The following TRMT10B variants were observed in gnomAD, a reference collection of about 807,000 sequenced individuals.
TRMT10B encodes tRNA methyltransferase 10B.
Under a neutral mutation model 43.8 loss-of-function variants are expected in TRMT10B, and 33 were observed. That is an observed-to-expected ratio of 0.75 (90% CI 0.57 to 1.01). The LOEUF is 1.01. TRMT10B is among the 50% of genes least tolerant of loss of function. TRMT10B has a pLI of 0.00. For synonymous variants in TRMT10B, 137 were observed against 130.6 expected (o/e 1.05, Z -0.34); for missense variants, 362 against 369.8 (o/e 0.98, Z 0.17).
chr9:37,769,860 C>T lies in TRMT10B; in HGVS notation c.574-81C>T, dbSNP rs77963004. On this transcript the variant is annotated intron_variant, in intron 5 of 8. Coordinates refer to ENST00000297994, the MANE Select transcript of TRMT10B (RefSeq NM_144964.4). ...TCAAGTGATCCTTCCACCTTAGCCTCCCAAAGTTCTGGGATTACAGACGTG... is the reference window on the plus strand; with the variant it reads ...TCAAGTGATCCTTCCACCTTAGCCTTCCAAAGTTCTGGGATTACAGACGTG... 2,748 of 1,112,962 alleles carry T rather than the reference C, an allele frequency of 2.5e-3. 41 individuals carry two copies. In the African/African-American group the frequency reaches 0.038, roughly 15 times the overall value. 68.9% of individuals were successfully genotyped at this position (1,112,962 alleles called of 1,614,324 possible). A position where few individuals can be genotyped will look rare whatever the true frequency, so the allele number is the denominator to read the frequency against.
chr9:37,756,257 A>G (rs7873508), intron 1 of TRMT10B, among the ~76,000 whole-genome samples: 48,864 of 152,002 alleles, frequency 0.32, 7,970 homozygotes, highest in Non-Finnish European at 0.35. Context: ...TAATACAATG[A>G]AGTTGTCAGT....
At chr9:37,774,843 C>T (rs773436825) in intron 7 of TRMT10B, among the ~76,000 whole-genome samples, 35 of 152,098 alleles carry the variant, frequency 2.3e-4, no homozygotes, top group Non-Finnish European at 4.1e-4. Flanking sequence ...GTTATGGGAC[C>T]GTAAACAAAA....
Position 37,777,993 on chromosome 9 carries a change from A to G in TRMT10B, c.*286A>G, listed in dbSNP as rs1828366008. ...GCACTCCAGCCTGGGTGACAGAGCAAGACTCCATCTCAAAAAAAAAATAAA... is the reference window on the plus strand; with the variant it reads ...GCACTCCAGCCTGGGTGACAGAGCAGGACTCCATCTCAAAAAAAAAATAAA... On this transcript the variant is annotated 3_prime_UTR_variant, in exon 9 of 9. Transcript: ENST00000297994. 1 of 244,996 alleles carries G rather than the reference A, an allele frequency of 4.1e-6. No individual in the cohort carries two copies. The highest frequency in any genetic ancestry group is 8.0e-6 in the Non-Finnish European group (1 of 125,146). 15.2% of individuals were successfully genotyped at this position (244,996 alleles called of 1,614,324 possible).
chr9:37,758,781 T>G (rs1199786245), intron 1 of TRMT10B, among the ~76,000 whole-genome samples: 1 of 152,204 alleles, frequency 6.6e-6, no homozygotes, highest in Non-Finnish European at 1.5e-5. Context: ...TATTGGGCAG[T>G]AGTCAGGACA....
chr9:37,770,626 A>C, intron 6 of TRMT10B, 46 bp from the exon 7 acceptor site: 1 of 1,530,966 alleles, frequency 6.5e-7, no homozygotes, highest in East Asian at 2.3e-5. Flanking sequence ...TGGATTTAGA[A>C]ATTATAAAAC....
In TRMT10B at chr9:37,763,188, C is replaced by CT. The variant is rs147487043; in HGVS notation, c.296-437dup. On this transcript the variant is annotated intron_variant, in intron 3 of 8. Transcript: ENST00000297994. ...AAACAAAAAAAAAAATTTAAGGCTG[C>CT]TTTTCAAATATAAGCTATCTAACTA... 7.4e-3 allele frequency among the ~76,000 whole-genome samples: 1,096 copies of CT among 148,338 alleles called. 19 individuals are homozygous for CT. The highest frequency in any genetic ancestry group is 0.026 in the African/African-American group (1,050 of 40,456).
chr9:37,756,639 G>A (rs2118674916), intron 1 of TRMT10B, among the ~76,000 whole-genome samples: 1 of 152,058 alleles, frequency 6.6e-6, no homozygotes, highest in African/African-American at 2.4e-5. Context: ...CTGGGTGGCA[G>A]AGGTTGCAAT....
Position 37,777,737 on chromosome 9 carries a change from G to GTAATTAC in TRMT10B, c.*31_*32insAATTACT, listed in dbSNP as rs1328878469. On this transcript the variant is annotated 3_prime_UTR_variant, in exon 9 of 9. Coordinates refer to ENST00000297994, the MANE Select transcript of TRMT10B (RefSeq NM_144964.4). ...CCTAAGATTGCAGCTGCGTGGCCAGGTGCTCACGCCGTAATGCCAACACTT... is the reference window on the plus strand; with the variant it reads ...CCTAAGATTGCAGCTGCGTGGCCAGGTAATTACTGCTCACGCCGTAATGCCAACACTT... 1.3e-6 allele frequency: 2 copies of GTAATTAC among 1,570,684 alleles called. No individual in the cohort carries two copies. The highest frequency in any genetic ancestry group is 1.4e-5 in the African/African-American group (1 of 73,944).
chr9:37,754,646 G>A (rs1825416537), intron 1 of TRMT10B, among the ~76,000 whole-genome samples: 1 of 152,116 alleles, frequency 6.6e-6, no homozygotes, highest in Non-Finnish European at 1.5e-5. Context: ...CAGCTGTCAT[G>A]CAAGGCAGGG....
At chr9:37,767,327 G>C (rs1408265806) in intron 4 of TRMT10B, 1 of 151,616 alleles carries the variant, frequency 6.6e-6, no homozygotes, top group South Asian at 2.1e-4. Flanking sequence ...ACTAGCCTAG[G>C]CAATATAGGA....
chr9:37,762,059 CG>C lies in TRMT10B; in HGVS notation c.130del (p.Glu44LysfsTer32), dbSNP rs1257241623. The C allele has an allele frequency of 6.2e-7, 1 of 1,613,914 alleles. No individual in the cohort carries two copies. The highest frequency in any genetic ancestry group is 8.5e-7 in the Non-Finnish European group (1 of 1,180,000). ...PEGFQLLQID[A>X]EGECQEGEIL... is the part of the protein sequence containing the mutation. ...GGCTTCCAGCTTCTGCAGATCGATG[CG>C]GAAGGCGAGTGCCAGGAGGGAGAGA... On this transcript the variant is annotated frameshift_variant, in exon 2 of 9. Coordinates refer to ENST00000297994, the MANE Select transcript of TRMT10B (RefSeq NM_144964.4). LOFTEE classifies it high-confidence loss of function.
In TRMT10B at chr9:37,776,268, C is replaced by G. The variant is rs755160727; in HGVS notation, c.721-14C>G. On this transcript the variant is annotated splice_polypyrimidine_tract_variant and intron_variant, in intron 7 of 8. Coordinates refer to ENST00000297994, the MANE Select transcript of TRMT10B (RefSeq NM_144964.4). ...TAATTTTTATAAGAAAAATATTTAA[C>G]TATATATTTACAGAAGGTGACATTT... 4 of 1,465,370 alleles carry G rather than the reference C, an allele frequency of 2.7e-6. No homozygotes were observed. Among genetic ancestry groups the G allele is most frequent in the Non-Finnish European group, 3.6e-6 (4 of 1,110,150 alleles). 90.8% of individuals were successfully genotyped at this position (1,465,370 alleles called of 1,614,324 possible). A position where few individuals can be genotyped will look rare whatever the true frequency, so the allele number is the denominator to read the frequency against.
chr9:37,762,029 C>T lies in TRMT10B; in HGVS notation c.98C>T (p.Pro33Leu), dbSNP rs373723512. 6.2e-7 allele frequency: 1 copy of T among 1,613,992 alleles called. No individual in the cohort carries two copies. Among genetic ancestry groups the T allele is most frequent in the South Asian group, 1.1e-5 (1 of 91,064 alleles). ...ILEETGEDGL[P>L]EGFQLLQIDA... The stretch of plus-strand genomic sequence containing the variant: ...GAGGAGACAGGTGAAGATGGACTTC[C>T]TGAAGGCTTCCAGCTTCTGCAGATC... Residue 33 changes from proline to leucine, a missense_variant, in exon 2 of 9, where the codon CCT (proline) becomes CTT (leucine). Transcript: ENST00000297994.
upstream of TRMT10B, among the ~76,000 whole-genome samples, chr9:37,753,415 T>C (rs933755758): frequency 5.9e-5 from 9 of 152,246 alleles, no homozygotes; most frequent in African/African-American, 2.2e-4. Flanking sequence ...CCACTCCCGC[T>C]TCCTGTAATG....
upstream of TRMT10B, among the ~76,000 whole-genome samples, chr9:37,753,517 A>G (rs1036570651): frequency 3.4e-5 from 4 of 119,122 alleles, no homozygotes; most frequent in East Asian, 6.7e-4. Context: ...CACACACCCC[A>G]GTTTCGCAAT....
intron 1 of TRMT10B, among the ~76,000 whole-genome samples, chr9:37,760,868 T>C (rs1826253991): frequency 6.6e-6 from 1 of 152,248 alleles, no homozygotes; most frequent in Non-Finnish European, 1.5e-5. Context: ...ATTTGTGTTC[T>C]GTGACATTTG....
upstream of TRMT10B, among the ~76,000 whole-genome samples, chr9:37,752,929 C>T (rs374185868): frequency 3.0e-4 from 45 of 152,316 alleles, no homozygotes; most frequent in East Asian, 7.7e-4. Flanking sequence ...CCTTTCTGGA[C>T]TGTGGGTGCT....
rs765588924 is a variant in TRMT10B at position 37,777,745 on chromosome 9, G to A, written c.*38G>A. 21 of 1,544,914 alleles carry A rather than the reference G, an allele frequency of 1.4e-5. No individual in the cohort carries two copies. The highest frequency in any genetic ancestry group is 5.6e-5 in the South Asian group (5 of 89,588). On this transcript the variant is annotated 3_prime_UTR_variant, in exon 9 of 9. Transcript: ENST00000297994. The stretch of plus-strand genomic sequence containing the variant: ...TGCAGCTGCGTGGCCAGGTGCTCAC[G>A]CCGTAATGCCAACACTTTGGTAGAC...
At chr9:37,765,249 T>A (rs1174594730) in intron 4 of TRMT10B, among the ~76,000 whole-genome samples, 1 of 152,056 alleles carries the variant, frequency 6.6e-6, no homozygotes, top group African/African-American at 2.4e-5. Flanking sequence ...CTTCCCCCCG[T>A]CCCCCGACCC....
Sources: allele counts gnomAD v4.1 joint callset (sites outside exome capture counted in the v4.1 genomes callset), GRCh38; gene constraint gnomAD v4.1.1; transcripts MANE v1.5; gene names NCBI Gene and HGNC (gene_info 2026-07-23, HGNC 2026-07-21).